Variants in CDH4 observed in about 807,000 individuals in gnomAD.
The protein encoded by CDH4 is cadherin-4.
CDH4 carries 33 observed loss-of-function variants against 86.0 expected under a neutral mutation model. That is an observed-to-expected ratio of 0.38 (90% CI 0.29 to 0.51). CDH4 has a LOEUF of 0.51. CDH4 is among the 20% of genes least tolerant of loss of function. CDH4 has a pLI of 0.86. For missense variants in CDH4, 1,114 were observed against 1,307.4 expected, an observed-to-expected ratio of 0.85 and a Z score of 2.28; for synonymous variants, 555 against 549.4, an observed-to-expected ratio of 1.01 and a Z score of -0.14.
At position 61,879,451 on chromosome 20, in the gene CDH4, C is replaced by T. The variant is rs963288441; in HGVS notation, c.1050+5551C>T. 2.0e-5 allele frequency among the ~76,000 whole-genome samples: 3 copies of T among 152,366 alleles called. No homozygotes were observed. In the South Asian group the frequency reaches 6.2e-4, roughly 32 times the overall value. ...CGGGGGAAGCACCAGAGATACTTCT[C>T]AGCACCAGCCTCCATCTGACAGAGT... is the stretch of plus-strand genomic sequence containing the variant. On this transcript the variant is annotated intron_variant, in intron 7 of 15. Transcript: ENST00000614565. This position sits in a 1 kb window ranked among gnomAD's most constrained non-coding sequence, Gnocchi z 4.1.
At chr20:61,622,484 A>G (rs1028689207) in intron 2 of CDH4, among the ~76,000 whole-genome samples, 4 of 152,262 alleles carry the variant, frequency 2.6e-5, no homozygotes, top group African/African-American at 9.6e-5. Context: ...TGGCTGCAGC[A>G]TCCGAGGACC....
In CDH4 at chr20:61,909,016, G is replaced by T. The variant is rs139134346; in HGVS notation, c.1189-1406G>T. 3.4e-3 allele frequency among the ~76,000 whole-genome samples: 520 copies of T among 152,306 alleles called. 5 individuals carry two copies. The highest frequency in any genetic ancestry group is 0.012 in the African/African-American group (503 of 41,566). The stretch of plus-strand genomic sequence containing the variant: ...ACCCTAACGGCCTTGTTTTAACTTG[G>T]TCACCTCTTTAAAAGTCCCATCTCC... On this transcript the variant is annotated intron_variant, in intron 8 of 15. Coordinates refer to ENST00000614565, the MANE Select transcript of CDH4 (RefSeq NM_001794.5).
intron 8 of CDH4, among the ~76,000 whole-genome samples, chr20:61,900,335 TCGGCCG>T (rs1390092687): frequency 6.7e-5 from 1 of 15,026 alleles, no homozygotes; most frequent in Non-Finnish European, 8.2e-4. Flanking sequence ...AGTGCAAGCC[TCGGCCG>T]CACAGTGCAA....
chr20:61,473,248 A>G (rs1015479646), intron 2 of CDH4, among the ~76,000 whole-genome samples: 10 of 152,218 alleles, frequency 6.6e-5, no homozygotes, highest in Admixed American at 5.9e-4. Context: ...AATTATGAGT[A>G]TTCCTCACTT....
intron 2 of CDH4, among the ~76,000 whole-genome samples, chr20:61,395,075 G>C (rs2145471298): frequency 6.6e-6 from 1 of 151,510 alleles, no homozygotes; most frequent in Non-Finnish European, 1.5e-5. Context: ...CCTCCTGGGA[G>C]GACAGGACAC....
Position 61,846,588 on chromosome 20 carries a change from A to G in CDH4, c.732+1765A>G, listed in dbSNP as rs116601189. 9.8e-3 allele frequency among the ~76,000 whole-genome samples: 1,490 copies of G among 152,270 alleles called. 23 individuals carry two copies. Among genetic ancestry groups the G allele is most frequent in the African/African-American group, 0.034 (1,405 of 41,534 alleles). ...GAGAGAGACATAGGAGACAGAGAAG[A>G]GAGACACAGGTAATACAGAGACAGA... On this transcript the variant is annotated intron_variant, in intron 5 of 15. Coordinates refer to ENST00000614565, the MANE Select transcript of CDH4 (RefSeq NM_001794.5).
At chr20:61,285,083 TTG>T (rs1482342389) in intron 2 of CDH4, among the ~76,000 whole-genome samples, 5 of 133,344 alleles carry the variant, frequency 3.7e-5, no homozygotes, top group African/African-American at 1.2e-4. Context: ...TTTTTTTTTT[TTG>T]TTTGTTTGTT....
chr20:61,611,619 C>T (rs2086685916), intron 2 of CDH4, among the ~76,000 whole-genome samples: 1 of 152,098 alleles, frequency 6.6e-6, no homozygotes, highest in African/African-American at 2.4e-5. Context: ...AGACTCATGT[C>T]AGAGGTCACA....
intron 2 of CDH4, among the ~76,000 whole-genome samples, chr20:61,597,736 G>A (rs1325341463): frequency 6.6e-6 from 1 of 152,214 alleles, no homozygotes; most frequent in Admixed American, 6.5e-5. Context: ...CACAGGAGAG[G>A]GGCAGGGTGG....
chr20:61,317,411 A>G (rs2084482658), intron 2 of CDH4, among the ~76,000 whole-genome samples: 1 of 152,142 alleles, frequency 6.6e-6, no homozygotes, highest in African/African-American at 2.4e-5. Context: ...TGCACTGTAA[A>G]TTCTATCAAA....
At chr20:61,302,346 C>A (rs1168497172) in intron 2 of CDH4, among the ~76,000 whole-genome samples, 2 of 152,230 alleles carry the variant, frequency 1.3e-5, no homozygotes, top group African/African-American at 4.8e-5. Flanking sequence ...ATTCATTATG[C>A]GTTTTCAAGA....
chr20:61,460,618 G>A (rs1035459155), intron 2 of CDH4, among the ~76,000 whole-genome samples: 33 of 152,198 alleles, frequency 2.2e-4, no homozygotes, highest in African/African-American at 6.8e-4. Context: ...AGGTATGCAC[G>A]GAGGCGTCCC....
chr20:61,632,025 C>T (rs1040499500), intron 2 of CDH4, among the ~76,000 whole-genome samples: 3 of 152,248 alleles, frequency 2.0e-5, no homozygotes, highest in African/African-American at 2.4e-5. Flanking sequence ...AAGTGGCTGT[C>T]GGGATGATGC....
chr20:61,309,717 G>T (rs2084435510), intron 2 of CDH4, among the ~76,000 whole-genome samples: 1 of 152,202 alleles, frequency 6.6e-6, no homozygotes, highest in South Asian at 2.1e-4. Context: ...ACAGTATAAA[G>T]ACTAATTTGT....
At chr20:61,752,937 G>A (rs368638107) in intron 3 of CDH4, among the ~76,000 whole-genome samples, 1 of 152,228 alleles carries the variant, frequency 6.6e-6, no homozygotes, top group African/African-American at 2.4e-5. Context: ...TGGCAAGACA[G>A]GTGCTCATTC....
intron 2 of CDH4, among the ~76,000 whole-genome samples, chr20:61,347,894 T>C (rs2084689002): frequency 7.0e-6 from 1 of 143,342 alleles, no homozygotes; most frequent in Non-Finnish European, 1.6e-5. Context: ...GTCCTGTGTC[T>C]GCAAAGTCTG....
intron 2 of CDH4, among the ~76,000 whole-genome samples, chr20:61,399,545 C>T (rs1262368426): frequency 6.6e-6 from 1 of 152,220 alleles, no homozygotes; most frequent in Non-Finnish European, 1.5e-5. Context: ...TATGACCACC[C>T]CAGGCCTGGC....
rs1198786491 is a variant in CDH4 at position 61,387,181 on chromosome 20, CACACAG to C, written c.169+132250_169+132255del. Among the ~76,000 whole-genome samples, 6 of 87,238 alleles carry C rather than the reference CACACAG, an allele frequency of 6.9e-5. No homozygotes were observed. In the South Asian group the frequency reaches 8.1e-4, roughly 12 times the overall value. The allele number at this position is 87,238 out of a possible 152,430, so 57.2% of individuals were successfully genotyped here. On this transcript the variant is annotated intron_variant, in intron 2 of 15. Transcript: ENST00000614565. ...TAACCCCCCTAATATGACACACACA[CACACAG>C]ACACACACACACAAACCCACACACA...
chr20:61,858,395 CTG>C (rs1359324943), intron 6 of CDH4, among the ~76,000 whole-genome samples: 2 of 146,272 alleles, frequency 1.4e-5, no homozygotes, highest in Non-Finnish European at 3.0e-5. Context: ...ATCTGTGTCT[CTG>C]TGTCTGTGTG....
Sources: allele counts gnomAD v4.1 joint callset (sites outside exome capture counted in the v4.1 genomes callset), GRCh38; gene constraint gnomAD v4.1.1; non-coding constraint Gnocchi (gnomAD v3.1); transcripts MANE v1.5; gene names NCBI Gene and HGNC (gene_info 2026-07-23, HGNC 2026-07-21).